Variants in RAPGEF5 observed in about 807,000 individuals in gnomAD.
RAPGEF5 encodes M-Ras-regulated GEF.
RAPGEF5 carries 65 observed loss-of-function variants against 125.2 expected under a neutral mutation model. The ratio of observed to expected loss-of-function variants is 0.52; its 90% CI spans 0.43 to 0.64. RAPGEF5 has a LOEUF of 0.64. Among genes scored for constraint, RAPGEF5 ranks in the 30% least tolerant of loss-of-function variants. The pLI is 0.00. For missense variants in RAPGEF5, 958 were observed against 1,048.1 expected (o/e 0.91, Z 1.19); for synonymous variants, 391 against 385.9 (o/e 1.01, Z -0.16).
At chr7:22,226,037 T>C (rs1008181440) in intron 8 of RAPGEF5, among the ~76,000 whole-genome samples, 4 of 152,208 alleles carry the variant, frequency 2.6e-5, no homozygotes, top group Non-Finnish European at 5.9e-5. Flanking sequence ...TAAATGAGCA[T>C]CTTACTGGGA....
Position 22,162,638 on chromosome 7 carries a change from G to A in RAPGEF5, c.1284-97C>T, listed in dbSNP as rs1009502552. The A allele has an allele frequency of 2.0e-5, 24 of 1,191,398 alleles. No homozygotes were observed. In the African/African-American group the frequency reaches 2.6e-4, roughly 13 times the overall value. The allele number at this position is 1,191,398 out of a possible 1,614,324, so 73.8% of individuals were successfully genotyped here. A position where few individuals can be genotyped will look rare whatever the true frequency, so the allele number is the denominator to read the frequency against. Reference sequence around the variant, plus strand: ...TTACAAAATATGTGAAGGCATACAAGTGTATAAACATGCAGGAAGAATAGA... The same window carrying A: ...TTACAAAATATGTGAAGGCATACAAATGTATAAACATGCAGGAAGAATAGA... On this transcript the variant is annotated intron_variant, in intron 12 of 25. Transcript: ENST00000665637.
chr7:22,125,334 G>C (rs544256153), intron 25 of RAPGEF5: 1 of 352,942 alleles, frequency 2.8e-6, no homozygotes, highest in East Asian at 5.8e-5. Context: ...GAGTTGCGGG[G>C]AGGAGGTTTC....
In RAPGEF5 at chr7:22,121,118, G is replaced by T. The variant is rs905885417; in HGVS notation, c.*1288C>A. 6.7e-6 allele frequency: 1 copy of T among 148,904 alleles called. No homozygotes were observed. Among genetic ancestry groups the T allele is most frequent in the African/African-American group, 2.5e-5 (1 of 40,370 alleles). The allele number at this position is 148,904 out of a possible 1,614,324, so 9.2% of individuals were successfully genotyped here. ...AGGCTGTTTTGTTCATGTGAAGGTTGAAAGAAATCCTCTAACCAGTCCTTG... is the reference window on the plus strand; with the variant it reads ...AGGCTGTTTTGTTCATGTGAAGGTTTAAAGAAATCCTCTAACCAGTCCTTG... On this transcript the variant is annotated 3_prime_UTR_variant, in exon 26 of 26. Coordinates refer to ENST00000665637, the MANE Select transcript of RAPGEF5 (RefSeq NM_012294.5).
At chr7:22,210,295 T>C (rs1785480222) in intron 9 of RAPGEF5, among the ~76,000 whole-genome samples, 1 of 152,220 alleles carries the variant, frequency 6.6e-6, no homozygotes. Context: ...CATTGTGCCA[T>C]TTGGGGAATG....
chr7:22,276,823 G>T (rs903651528), intron 6 of RAPGEF5, among the ~76,000 whole-genome samples: 1 of 152,132 alleles, frequency 6.6e-6, no homozygotes, highest in Admixed American at 6.5e-5. Flanking sequence ...ATAAATCATC[G>T]GGACTGATTG....
chr7:22,162,801 A>G (rs1784049127), intron 12 of RAPGEF5, among the ~76,000 whole-genome samples: 1 of 152,220 alleles, frequency 6.6e-6, no homozygotes, highest in African/African-American at 2.4e-5. Flanking sequence ...ATGGTTTCAT[A>G]GGCAACATGC....
At chr7:22,245,052 T>G (rs1250237014) in intron 7 of RAPGEF5, among the ~76,000 whole-genome samples, 1 of 152,236 alleles carries the variant, frequency 6.6e-6, no homozygotes, top group Non-Finnish European at 1.5e-5. Flanking sequence ...GATTTTAATT[T>G]GCATTTCTCT....
rs367948789 is a variant in RAPGEF5 at position 22,291,243 on chromosome 7, TAA to T, written c.681-4_681-3del. 4.2e-3 allele frequency: 5,774 copies of T among 1,365,526 alleles called. No individual in the cohort carries two copies. Among genetic ancestry groups the T allele is most frequent in the South Asian group, 0.015 (1,016 of 68,734 alleles). 84.6% of individuals were successfully genotyped at this position (1,365,526 alleles called of 1,614,324 possible). On this transcript the variant is annotated splice_polypyrimidine_tract_variant and splice_region_variant and intron_variant, in intron 5 of 25. Coordinates refer to ENST00000665637, the MANE Select transcript of RAPGEF5 (RefSeq NM_012294.5). Reference sequence around the variant, plus strand: ...GAGTCTTCAATTTTCTGATGAGACCTAAAAAAAAAAAAAAGAACAAATTACTT... The same window carrying T: ...GAGTCTTCAATTTTCTGATGAGACCTAAAAAAAAAAAAGAACAAATTACTT...
At chr7:22,191,468 G>C (rs770872543) in intron 11 of RAPGEF5, 2 of 431,712 alleles carry the variant, frequency 4.6e-6, no homozygotes, top group Non-Finnish European at 1.0e-5. Flanking sequence ...AGTTTCATTT[G>C]TGTCCCTCCC....
chr7:22,286,533 A>G (rs1782801301), intron 6 of RAPGEF5, among the ~76,000 whole-genome samples: 1 of 152,246 alleles, frequency 6.6e-6, no homozygotes, highest in African/African-American at 2.4e-5. Context: ...TGTTGATTTT[A>G]AGTAAATATG....
chr7:22,199,818 G>A (rs898721958), intron 9 of RAPGEF5, among the ~76,000 whole-genome samples: 1 of 152,142 alleles, frequency 6.6e-6, no homozygotes, highest in African/African-American at 2.4e-5. Flanking sequence ...ACTAGTGGGT[G>A]ATGAGATAAA....
chr7:22,225,134 G>C (rs1345466959), intron 8 of RAPGEF5, among the ~76,000 whole-genome samples: 1 of 151,950 alleles, frequency 6.6e-6, no homozygotes, highest in Admixed American at 6.6e-5. Context: ...CTCCAGCCTG[G>C]GCAAAAGAGT....
At chr7:22,338,797 C>T (rs552740085) in intron 1 of RAPGEF5, among the ~76,000 whole-genome samples, 1 of 152,336 alleles carries the variant, frequency 6.6e-6, no homozygotes, top group African/African-American at 2.4e-5. Context: ...AACATACACA[C>T]AGAGCTGCTG....
intron 1 of RAPGEF5, among the ~76,000 whole-genome samples, chr7:22,349,351 G>C (rs1232237374): frequency 6.8e-6 from 1 of 147,870 alleles, no homozygotes; most frequent in Non-Finnish European, 1.5e-5. Context: ...TTGAACCCAA[G>C]AGGTAGAGGT....
At chr7:22,219,444 A>G (rs1785724031) in intron 9 of RAPGEF5, among the ~76,000 whole-genome samples, 1 of 150,056 alleles carries the variant, frequency 6.7e-6, no homozygotes, top group African/African-American at 2.5e-5. Flanking sequence ...ATTTCTAGTG[A>G]CTTAGGACAC....
At chr7:22,300,520 A>G (rs1343403855) in intron 5 of RAPGEF5, among the ~76,000 whole-genome samples, 1 of 152,198 alleles carries the variant, frequency 6.6e-6, no homozygotes, top group Non-Finnish European at 1.5e-5. Flanking sequence ...TATCCTGGCC[A>G]TTTTGAACAT....
intron 9 of RAPGEF5, among the ~76,000 whole-genome samples, chr7:22,201,401 G>C (rs1785273746): frequency 6.6e-6 from 1 of 152,226 alleles, no homozygotes; most frequent in African/African-American, 2.4e-5. Context: ...TGTGAGAATG[G>C]AGAAAGGGAT....
intron 7 of RAPGEF5, among the ~76,000 whole-genome samples, chr7:22,252,523 G>A (rs1786650217): frequency 6.6e-6 from 1 of 152,064 alleles, no homozygotes; most frequent in Non-Finnish European, 1.5e-5. Context: ...CCATATTGAA[G>A]GATTAAAAAG....
At chr7:22,163,861 A>G (rs1386735306) in intron 12 of RAPGEF5, among the ~76,000 whole-genome samples, 2 of 152,226 alleles carry the variant, frequency 1.3e-5, no homozygotes, top group African/African-American at 4.8e-5. Context: ...CAAAATTGGA[A>G]TAAACTTTAT....
Sources: allele counts gnomAD v4.1 joint callset (sites outside exome capture counted in the v4.1 genomes callset), GRCh38; gene constraint gnomAD v4.1.1; transcripts MANE v1.5; gene names NCBI Gene and HGNC (gene_info 2026-07-23, HGNC 2026-07-21).